Variants in BTN2A2 observed in about 807,000 individuals in gnomAD.
The protein encoded by BTN2A2 is butyrophilin subfamily 2 member A2.
BTN2A2 carries 29 observed loss-of-function variants against 34.7 expected under a neutral mutation model. The ratio of observed to expected loss-of-function variants is 0.84; its 90% CI spans 0.62 to 1.14. BTN2A2 has a LOEUF of 1.14. Ranked by LOEUF, BTN2A2 falls within the 50% of genes most tolerant of loss-of-function variation. BTN2A2 has a pLI of 0.00. For synonymous variants in BTN2A2, 240 were observed against 253.1 expected (o/e 0.95, Z 0.49); for missense variants, 612 against 651.5 (o/e 0.94, Z 0.66).
rs1761718144 is a variant in BTN2A2, at chr6:26,393,256, CA to C, written c.*290del. 2.8e-6 allele frequency: 4 copies of C among 1,442,650 alleles called. No homozygotes were observed. Among genetic ancestry groups the C allele is most frequent in the Non-Finnish European group, 3.6e-6 (4 of 1,095,988 alleles). 89.4% of individuals were successfully genotyped at this position (1,442,650 alleles called of 1,614,324 possible). A position where few individuals can be genotyped will look rare whatever the true frequency, so the allele number is the denominator to read the frequency against. On this transcript the variant is annotated 3_prime_UTR_variant, in exon 8 of 8. Transcript: ENST00000356709. ...AAAGAAAGTGAGAGAAGCTGTTGGG[CA>C]GCGAACCTACTGTTTAAAATCAGGA...
Position 26,383,814 on chromosome 6 carries a change from G to T in BTN2A2, c.-8G>T. 1 of 1,613,944 alleles carries T rather than the reference G, an allele frequency of 6.2e-7. No homozygotes were observed. On this transcript the variant is annotated 5_prime_UTR_variant, in exon 2 of 8. Transcript: ENST00000356709. This position sits in a 1 kb window ranked among gnomAD's most constrained non-coding sequence, Gnocchi z 4.4. ...TAGGCCTCTGGTCTCTGCCTGCCCT[G>T]GGTGCTCATGGAACCAGCTGCTGCT... is the stretch of plus-strand genomic sequence containing the variant.
chr6:26,385,238 C>A lies in BTN2A2; in HGVS notation c.318C>A (p.Asp106Glu). The A allele has an allele frequency of 6.2e-7, 1 of 1,614,126 alleles. No individual in the cohort carries two copies. ...GAAGAATCACCTTTGTGAGCAAAGA[C>A]ATCAACAGGGGCAGCGTGGCCCTGG... is the stretch of plus-strand genomic sequence containing the variant. ...YRGRITFVSK[D>E]INRGSVALVI... is the part of the protein sequence containing the mutation. The change falls in exon 3 of 8, where the codon GAC (aspartate) becomes GAA (glutamate). Residue 106 changes from aspartate (D) to glutamate (E), a missense_variant. Coordinates refer to ENST00000356709, the MANE Select transcript of BTN2A2 (RefSeq NM_006995.5).
At chr6:26,392,152 A>G in intron 7 of BTN2A2, 1 of 1,415,382 alleles carries the variant, frequency 7.1e-7, no homozygotes, top group Non-Finnish European at 9.6e-7. Context: ...ATAGAGCCAC[A>G]ATTCTTCTCA....
Position 26,394,507 on chromosome 6 carries a change from C to A in BTN2A2, c.*1540C>A. On this transcript the variant is annotated 3_prime_UTR_variant, in exon 8 of 8. Coordinates refer to ENST00000356709, the MANE Select transcript of BTN2A2 (RefSeq NM_006995.5). Reference sequence around the variant, plus strand: ...GCTGAGACACTCTTCTTCTTCTGCCCTTGGACATCAGAACTCCTGGCTCTC... The same window carrying A: ...GCTGAGACACTCTTCTTCTTCTGCCATTGGACATCAGAACTCCTGGCTCTC... The A allele has an allele frequency of 1.8e-6, 1 of 544,112 alleles. No homozygotes were observed. Among genetic ancestry groups the A allele is most frequent in the Non-Finnish European group, 3.3e-6 (1 of 305,048 alleles). The allele number at this position is 544,112 out of a possible 1,614,324, so 33.7% of individuals were successfully genotyped here. A position where few individuals can be genotyped will look rare whatever the true frequency, so the allele number is the denominator to read the frequency against.
Position 26,384,668 on chromosome 6 carries a change from C to A in BTN2A2, c.95-347C>A, listed in dbSNP as rs1489304509. Reference sequence around the variant, plus strand: ...CTGTTAAATAGCTAGTGGATAGATACCCTAATGGACAGTTCAAGTTTACAC... The same window carrying A: ...CTGTTAAATAGCTAGTGGATAGATAACCTAATGGACAGTTCAAGTTTACAC... On this transcript the variant is annotated intron_variant, in intron 2 of 7. Transcript: ENST00000356709. This position sits in a 1 kb window ranked among gnomAD's most constrained non-coding sequence, Gnocchi z 4.0. Among the ~76,000 whole-genome samples the A allele has an allele frequency of 6.6e-6, 1 of 152,068 alleles. No homozygotes were observed. The highest frequency in any genetic ancestry group is 2.4e-5 in the African/African-American group (1 of 41,374).
Position 26,392,504 on chromosome 6 carries a change from G to T in BTN2A2, c.1109G>T (p.Cys370Phe), listed in dbSNP as rs1761648916. 2 of 1,614,144 alleles carry T rather than the reference G, an allele frequency of 1.2e-6. No individual in the cohort carries two copies. The highest frequency in any genetic ancestry group is 1.3e-5 in the African/African-American group (1 of 74,938). The stretch of plus-strand genomic sequence containing the variant: ...CCAGAGAGATTCGACAGTCAGCCTT[G>T]TGTCCTGGGATGGGAGAGCTTCGCC... Reference protein sequence around the residue: ...DNPERFDSQPCVLGWESFASG... With the variant: ...DNPERFDSQPFVLGWESFASG... Residue 370 changes from cysteine to phenylalanine, a missense_variant, in exon 8 of 8, where the codon TGT (cysteine) becomes TTT (phenylalanine). Transcript: ENST00000356709.
In BTN2A2 at chr6:26,383,678, A is replaced by G. The variant is rs1760999891; in HGVS notation, c.-30-114A>G. 2.7e-6 allele frequency: 2 copies of G among 753,946 alleles called. No homozygotes were observed. Among genetic ancestry groups the G allele is most frequent in the African/African-American group, 1.7e-5 (1 of 57,166 alleles). The allele number at this position is 753,946 out of a possible 1,614,324, so 46.7% of individuals were successfully genotyped here. ...ATACCTGAGCCTTGAGATGCAAGCGACTCCCAGAAGTTGGGGCACCGATGA... is the reference window on the plus strand; with the variant it reads ...ATACCTGAGCCTTGAGATGCAAGCGGCTCCCAGAAGTTGGGGCACCGATGA... On this transcript the variant is annotated intron_variant, in intron 1 of 7. Transcript: ENST00000356709. The surrounding 1 kb of genome is among the most constrained non-coding windows in gnomAD (Gnocchi z 4.4).
intron 3 of BTN2A2, among the ~76,000 whole-genome samples, chr6:26,386,240 G>C (rs1051061410): frequency 6.6e-6 from 1 of 152,084 alleles, no homozygotes; most frequent in African/African-American, 2.4e-5. Flanking sequence ...AATTGGCAAG[G>C]CTTCAGCATA....
Position 26,394,516 on chromosome 6 carries a change from C to A in BTN2A2, c.*1549C>A. The stretch of plus-strand genomic sequence containing the variant: ...CTCTTCTTCTTCTGCCCTTGGACAT[C>A]AGAACTCCTGGCTCTCCGGCCTTTG... On this transcript the variant is annotated 3_prime_UTR_variant, in exon 8 of 8. Transcript: ENST00000356709. 1 of 532,548 alleles carries A rather than the reference C, an allele frequency of 1.9e-6. No individual in the cohort carries two copies. Among genetic ancestry groups the A allele is most frequent in the South Asian group, 2.7e-5 (1 of 36,960 alleles). 33.0% of individuals were successfully genotyped at this position (532,548 alleles called of 1,614,324 possible).
chr6:26,390,557 T>C (rs1581603874), intron 5 of BTN2A2, 130 bp from the exon 6 acceptor site: 1 of 1,138,850 alleles, frequency 8.8e-7, no homozygotes, highest in African/African-American at 1.5e-5. Flanking sequence ...TTCTGACTGT[T>C]CCTTAGGCAT....
At position 26,393,078 on chromosome 6, in the gene BTN2A2, G is replaced by A; in HGVS notation, c.*111G>A. The A allele has an allele frequency of 6.2e-7, 1 of 1,611,024 alleles. No individual in the cohort carries two copies. Among genetic ancestry groups the A allele is most frequent in the Admixed American group, 1.7e-5 (1 of 59,960 alleles). ...CCTCCTCCCCTCTGGTCACGTAAGA[G>A]AACATCTTCCAGCTGCCTTTTTCAC... On this transcript the variant is annotated 3_prime_UTR_variant, in exon 8 of 8. Coordinates refer to ENST00000356709, the MANE Select transcript of BTN2A2 (RefSeq NM_006995.5).
rs779560847 is a variant in BTN2A2 at position 26,390,040 on chromosome 6, G to A, written c.760G>A (p.Ala254Thr). 4 of 1,613,812 alleles carry A rather than the reference G, an allele frequency of 2.5e-6. No homozygotes were observed. The East Asian group carries it at 6.7e-5, about 27-fold the overall frequency. Residue 254 changes from alanine (A) to threonine (T), a missense_variant, in exon 5 of 8, where the codon GCC becomes ACC. Coordinates refer to ENST00000356709, the MANE Select transcript of BTN2A2 (RefSeq NM_006995.5). ...GCCCAGCGCATCTCCCTGGATGGTG[G>A]CCCTAGCTGTCATCCTGACCGCATC... is the stretch of plus-strand genomic sequence containing the variant. ...FMPSASPWMV[A>T]LAVILTASPW...
chr6:26,388,416 G>C, intron 4 of BTN2A2, 122 bp downstream of exon 4: 1 of 1,189,582 alleles, frequency 8.4e-7, no homozygotes, highest in South Asian at 1.4e-5. Flanking sequence ...TGAGGAGCTG[G>C]AGGCTGCAGC....
In BTN2A2 at chr6:26,392,835, G is replaced by C; in HGVS notation, c.1440G>C (p.Val480=). The change falls in exon 8 of 8, where the codon GTG becomes GTC. Residue 480 remains valine (V), a synonymous_variant. Transcript: ENST00000356709. ...CCCGTTCAGCCTTTACTGTGCCTGT[G>C]AGGCCCTTCTTCAGGTTAGGGTCTG... is the stretch of plus-strand genomic sequence containing the variant. The part of the protein sequence containing the change: ...TCPRSAFTVP[V]RPFFRLGSDD... 1 of 1,614,232 alleles carries C rather than the reference G, an allele frequency of 6.2e-7. No individual in the cohort carries two copies. Among genetic ancestry groups the C allele is most frequent in the South Asian group, 1.1e-5 (1 of 91,090 alleles).
rs559443965 is a variant in BTN2A2, at chr6:26,393,050, C to T, written c.*83C>T. ...CGCACAACCCCCCTAATGAAAGACA[C>T]GCCCTCCTCCCCTCTGGTCACGTAA... On this transcript the variant is annotated 3_prime_UTR_variant, in exon 8 of 8. Coordinates refer to ENST00000356709, the MANE Select transcript of BTN2A2 (RefSeq NM_006995.5). The T allele has an allele frequency of 1.1e-5, 18 of 1,612,050 alleles. No homozygotes were observed. The highest frequency in any genetic ancestry group is 5.3e-5 in the African/African-American group (4 of 75,004).
chr6:26,385,254 G>A lies in BTN2A2; in HGVS notation c.334G>A (p.Val112Met), dbSNP rs775875965. ...GAGCAAAGACATCAACAGGGGCAGC[G>A]TGGCCCTGGTCATACATAACGTCAC... ...FVSKDINRGS[V>M]ALVIHNVTAQ... Residue 112 changes from valine (V) to methionine (M), a missense_variant, in exon 3 of 8, where the codon GTG becomes ATG. By Grantham distance (21) the Val-to-Met change is conservative. Transcript: ENST00000356709. 3.1e-6 allele frequency: 5 copies of A among 1,614,150 alleles called. No homozygotes were observed. Among genetic ancestry groups the A allele is most frequent in the African/African-American group, 1.3e-5 (1 of 75,022 alleles).
rs770796723 is a variant in BTN2A2, at chr6:26,390,827, C to G, written c.977C>G (p.Ala326Gly). 4.3e-6 allele frequency: 7 copies of G among 1,614,020 alleles called. No individual in the cohort carries two copies. The African/African-American group carries it at 9.3e-5, about 22-fold the overall frequency. ...ELRWRRTFLH[A>G]ADVVLDPDTA... ...GGATGGAGAAGAACATTCTTACATGCTGGTGAGTGCCTCTGATGTTCTCTC... is the reference window on the plus strand; with the variant it reads ...GGATGGAGAAGAACATTCTTACATGGTGGTGAGTGCCTCTGATGTTCTCTC... Residue 326 changes from alanine (A) to glycine (G), a missense_variant and splice_region_variant, in exon 7 of 8, where the codon GCT (alanine) becomes GGT (glycine). Physicochemically the swap from Ala to Gly is moderately conservative, Grantham distance 60 (BLOSUM62 0). Transcript: ENST00000356709.
chr6:26,394,497 T>C lies in BTN2A2; in HGVS notation c.*1530T>C. On this transcript the variant is annotated 3_prime_UTR_variant, in exon 8 of 8. Coordinates refer to ENST00000356709, the MANE Select transcript of BTN2A2 (RefSeq NM_006995.5). ...CTCCTCTGGAGCTGAGACACTCTTC[T>C]TCTTCTGCCCTTGGACATCAGAACT... 3.6e-6 allele frequency: 2 copies of C among 561,984 alleles called. No individual in the cohort carries two copies. Among genetic ancestry groups the C allele is most frequent in the Non-Finnish European group, 6.4e-6 (2 of 313,100 alleles). The allele number at this position is 561,984 out of a possible 1,614,324, so 34.8% of individuals were successfully genotyped here.
In BTN2A2 at chr6:26,383,604, T is replaced by G; in HGVS notation, c.-30-188T>G. ...GGAGGAAAACGGCCCCCTTGATCTC[T>G]GCATTGATGGCTTACTTATGGAATG... is the stretch of plus-strand genomic sequence containing the variant. On this transcript the variant is annotated intron_variant, in intron 1 of 7. Coordinates refer to ENST00000356709, the MANE Select transcript of BTN2A2 (RefSeq NM_006995.5). This position sits in a 1 kb window ranked among gnomAD's most constrained non-coding sequence, Gnocchi z 4.4. The G allele has an allele frequency of 1.4e-5, 8 of 584,828 alleles. No homozygotes were observed. Among genetic ancestry groups the G allele is most frequent in the Non-Finnish European group, 2.4e-5 (8 of 327,930 alleles). 36.2% of individuals were successfully genotyped at this position (584,828 alleles called of 1,614,324 possible). A position where few individuals can be genotyped will look rare whatever the true frequency, so the allele number is the denominator to read the frequency against.
Sources: gnomAD v4.1 joint callset for allele counts (sites outside exome capture counted in the v4.1 genomes callset) on GRCh38, gnomAD v4.1.1 for gene constraint, Gnocchi (gnomAD v3.1) non-coding constraint, MANE v1.5 for transcripts, NCBI Gene and HGNC (gene_info 2026-07-23, HGNC 2026-07-21) for gene names.